The following ADGRD1 variants were observed in gnomAD, a reference collection of about 807,000 sequenced individuals.
The protein encoded by ADGRD1 is G-protein coupled receptor 133.
In ADGRD1, 77 loss-of-function variants were observed where a neutral mutation model predicts 113.4. That is an observed-to-expected ratio of 0.68 (90% confidence interval 0.57 to 0.82). The LOEUF (loss-of-function observed/expected upper bound fraction) is 0.82. Among genes scored for constraint, ADGRD1 ranks in the 40% least tolerant of loss-of-function variants. The pLI, the probability that ADGRD1 is intolerant of heterozygous loss-of-function variation, is 0.00. For synonymous variants in ADGRD1, 474 were observed against 475.0 expected (o/e 1.00, Z 0.03); for missense variants, 1,036 against 1,139.1 (o/e 0.91, Z 1.30).
intron 14 of ADGRD1, among the ~76,000 whole-genome samples, chr12:131,081,747 G>A (rs1886085280): frequency 6.6e-6 from 1 of 152,052 alleles, no homozygotes. Context: ...TCCACTTCCA[G>A]CTGTTCTATT....
At chr12:131,001,524 T>G (rs533791849) in intron 9 of ADGRD1, among the ~76,000 whole-genome samples, 2 of 152,374 alleles carry the variant, frequency 1.3e-5, no homozygotes, top group Non-Finnish European at 2.9e-5. Context: ...CACTTTCCAA[T>G]GATACTAAGT....
At chr12:131,044,964 C>T (rs930271906) in intron 13 of ADGRD1, among the ~76,000 whole-genome samples, 7 of 152,276 alleles carry the variant, frequency 4.6e-5, no homozygotes, top group African/African-American at 1.7e-4. Context: ...TCAGGCTTCG[C>T]CCTCTTGTTC....
intron 15 of ADGRD1, among the ~76,000 whole-genome samples, chr12:131,102,279 T>C (rs2137310399): frequency 6.6e-6 from 1 of 152,370 alleles, no homozygotes; most frequent in East Asian, 1.9e-4. Flanking sequence ...GAGTAGCTCT[T>C]GGCCCGTCGG....
At chr12:131,101,939 C>T (rs769903219) in intron 15 of ADGRD1, among the ~76,000 whole-genome samples, 3 of 152,194 alleles carry the variant, frequency 2.0e-5, no homozygotes, top group Non-Finnish European at 4.4e-5. Context: ...AACAGCACTT[C>T]TTAAACCACA....
At chr12:130,975,315 C>T (rs932767633) in intron 4 of ADGRD1, among the ~76,000 whole-genome samples, 14 of 152,180 alleles carry the variant, frequency 9.2e-5, no homozygotes, top group Admixed American at 6.5e-4. Flanking sequence ...CTGTCACTTC[C>T]GTCTCCCTTA....
At chr12:131,034,372 C>G (rs865843126) in intron 13 of ADGRD1, among the ~76,000 whole-genome samples, 2 of 152,234 alleles carry the variant, frequency 1.3e-5, no homozygotes, top group Non-Finnish European at 2.9e-5. Context: ...TCGCCACTGC[C>G]GACCTGACTG....
At chr12:131,028,720 G>T (rs978121083) in intron 13 of ADGRD1, among the ~76,000 whole-genome samples, 1 of 152,082 alleles carries the variant, frequency 6.6e-6, no homozygotes, top group East Asian at 1.9e-4. Flanking sequence ...CTGTGGTGCC[G>T]CCTTTGCCGT....
intron 13 of ADGRD1, among the ~76,000 whole-genome samples, chr12:131,033,248 T>G (rs13377643): frequency 0.14 from 21,951 of 151,942 alleles, 1,729 homozygotes; most frequent in Middle Eastern, 0.17. Context: ...TGTCTTGTTT[T>G]TGTGTGGCAG....
intron 23 of ADGRD1, 110 bp downstream of exon 23, chr12:131,137,124 A>T: frequency 1.1e-6 from 1 of 899,746 alleles, no homozygotes; most frequent in Non-Finnish European, 1.9e-6. Flanking sequence ...CTGGGACTCA[A>T]ATCCTGAGCC....
chr12:131,067,583 CT>C (rs1267531262), intron 13 of ADGRD1, among the ~76,000 whole-genome samples: 16 of 143,388 alleles, frequency 1.1e-4, no homozygotes, highest in African/African-American at 4.1e-4. Context: ...CGCTGTGCCC[CT>C]GATCCTTCTT....
rs3741460 is a variant in ADGRD1, at chr12:131,139,589, G to A, written c.*326G>A. The A allele has an allele frequency of 7.7e-5, 21 of 271,032 alleles. No homozygotes were observed. In the East Asian group the frequency reaches 1.4e-3, roughly 18 times the overall value. 16.8% of individuals were successfully genotyped at this position (271,032 alleles called of 1,614,324 possible). On this transcript the variant is annotated 3_prime_UTR_variant, in exon 25 of 25. Transcript: ENST00000261654. ...TTCATCACTCAGCATCAGACCCAGC[G>A]AGGCCAGGACACTCGGGGCCGGTCC...
intron 15 of ADGRD1, among the ~76,000 whole-genome samples, chr12:131,103,693 A>G (rs1463764655): frequency 6.6e-6 from 1 of 152,046 alleles, no homozygotes; most frequent in Admixed American, 6.5e-5. Flanking sequence ...GATCGGGGAG[A>G]AGGCATTTAG....
chr12:130,996,623 CA>C, intron 8 of ADGRD1, among the ~76,000 whole-genome samples: 1 of 109,546 alleles, frequency 9.1e-6, no homozygotes, highest in African/African-American at 3.5e-5. Flanking sequence ...AGGCGCCCCT[CA>C]CCTCCCGGAC....
chr12:131,001,700 T>C (rs6486619), intron 9 of ADGRD1, among the ~76,000 whole-genome samples: 60,831 of 152,010 alleles, frequency 0.4, 12,968 homozygotes, highest in African/African-American at 0.54. Flanking sequence ...TCAGGGATCC[T>C]GGCTCCATCT....
In ADGRD1 at chr12:131,076,924, G is replaced by GGCCC. The variant is rs1328770752; in HGVS notation, c.1547+55_1547+58dup. ...GGTGGGCATGAGGTGTCCAAGCCCA[G>GGCCC]GCCCGCCCCATGCCAGCCCAGGGGA... On this transcript the variant is annotated intron_variant, in intron 14 of 24. Transcript: ENST00000261654. The GGCCC allele has an allele frequency of 3.4e-6, 5 of 1,451,374 alleles. No individual in the cohort carries two copies. In the African/African-American group the frequency reaches 5.6e-5, roughly 16 times the overall value. The allele number at this position is 1,451,374 out of a possible 1,614,324, so 89.9% of individuals were successfully genotyped here.
chr12:131,106,792 G>A (rs1950242450), intron 17 of ADGRD1, among the ~76,000 whole-genome samples: 1 of 152,206 alleles, frequency 6.6e-6, no homozygotes, highest in African/African-American at 2.4e-5. Context: ...AGACTCGGGA[G>A]CATCTGAGAA....
intron 13 of ADGRD1, among the ~76,000 whole-genome samples, chr12:131,038,415 T>C (rs1881767962): frequency 1.3e-5 from 2 of 152,208 alleles, no homozygotes; most frequent in Non-Finnish European, 2.9e-5. Flanking sequence ...CCACTCTGGT[T>C]TGGTATCGCA....
chr12:131,003,881 C>T lies in ADGRD1; in HGVS notation c.1145-305C>T, dbSNP rs1050402144. 6.6e-6 allele frequency among the ~76,000 whole-genome samples: 1 copy of T among 152,176 alleles called. No homozygotes were observed. On this transcript the variant is annotated intron_variant, in intron 10 of 24. Transcript: ENST00000261654. The surrounding 1 kb of genome is among the most constrained non-coding windows in gnomAD (Gnocchi z 4.8). ...GAGCCGATGTCACCGCATCGCTGAG[C>T]ACAGCCCATCCTTGCACCGGCCTTG...
intron 13 of ADGRD1, among the ~76,000 whole-genome samples, chr12:131,054,286 T>G (rs1314707836): frequency 2.0e-5 from 3 of 152,302 alleles, no homozygotes; most frequent in Middle Eastern, 3.4e-3. Context: ...CCCTGTTCCT[T>G]CCCACCTCCC....
Sources: gnomAD v4.1 joint callset for allele counts (sites outside exome capture counted in the v4.1 genomes callset) on GRCh38, gnomAD v4.1.1 for gene constraint, Gnocchi (gnomAD v3.1) non-coding constraint, MANE v1.5 for transcripts, NCBI Gene and HGNC (gene_info 2026-07-23, HGNC 2026-07-21) for gene names.